Variants in RTTN observed in about 807,000 individuals in gnomAD.
RTTN encodes the protein rotatin.
A neutral mutation model predicts 269.2 loss-of-function variants in RTTN; 182 were observed. The ratio of observed to expected loss-of-function variants is 0.68; its 90% CI spans 0.60 to 0.76. The LOEUF (loss-of-function observed/expected upper bound fraction) is 0.76. RTTN is among the 30% of genes least tolerant of loss of function. The pLI is 0.00. For missense variants in RTTN, 2,545 were observed against 2,608.6 expected (o/e 0.98, Z 0.53); for synonymous variants, 1,006 against 963.5 (o/e 1.04, Z -0.82).
intron 10 of RTTN, among the ~76,000 whole-genome samples, chr18:70,177,764 G>A (rs1437912026): frequency 5.3e-5 from 8 of 151,900 alleles, no homozygotes; most frequent in Non-Finnish European, 1.2e-4. Context: ...CAACTAAAAG[G>A]TATGAGGCCC....
chr18:70,145,918 A>G (rs1329136649), intron 17 of RTTN, 135 bp from the exon 18 acceptor site: 1 of 519,622 alleles, frequency 1.9e-6, no homozygotes, highest in Admixed American at 3.8e-5. Flanking sequence ...TACTAGTAAT[A>G]ATTTACTTTT....
intron 23 of RTTN, among the ~76,000 whole-genome samples, chr18:70,133,418 T>C (rs1167535778): frequency 6.6e-6 from 1 of 152,104 alleles, no homozygotes; most frequent in Non-Finnish European, 1.5e-5. Context: ...ATTCCAACAA[T>C]GACACGTGTT....
At chr18:70,053,574 G>C (rs901610486) in intron 38 of RTTN, 2 of 152,082 alleles carry the variant, frequency 1.3e-5, no homozygotes, top group African/African-American at 4.8e-5. Flanking sequence ...ATTACCAAAT[G>C]GTCAATTACT....
intron 11 of RTTN, among the ~76,000 whole-genome samples, chr18:70,169,733 G>C (rs994581849): frequency 6.6e-6 from 1 of 152,046 alleles, no homozygotes; most frequent in Admixed American, 6.5e-5. Context: ...ATTTAAAACT[G>C]AAAGAATTAT....
At chr18:70,049,951 CCACATACAATGTACAT>C (rs1383401841) in intron 39 of RTTN, among the ~76,000 whole-genome samples, 1 of 152,114 alleles carries the variant, frequency 6.6e-6, no homozygotes, top group Non-Finnish European at 1.5e-5. Context: ...GAAGATGTAT[CCACATACAATGTACAT>C]ATGTCAGAAA....
intron 10 of RTTN, 143 bp downstream of exon 10, chr18:70,187,965 C>T: frequency 1.7e-6 from 1 of 575,776 alleles, no homozygotes; most frequent in South Asian, 2.5e-5. Context: ...CTGTTCCAGG[C>T]TATTTATAAC....
In RTTN at chr18:70,075,507, G is replaced by A. The variant is rs757834697; in HGVS notation, c.4409C>T (p.Ser1470Leu). 17 of 1,597,366 alleles carry A rather than the reference G, an allele frequency of 1.1e-5. No homozygotes were observed. Among genetic ancestry groups the A allele is most frequent in the Non-Finnish European group, 1.4e-5 (17 of 1,173,708 alleles). Reference protein sequence around the residue: ...PCVHDEDSGLSLIGKPALQAL... With the variant: ...PCVHDEDSGLLLIGKPALQAL... ...CTGAAGGGCAGGTTTTCCAATGAGCGATAGGCCAGAGTCCTCATCATGAAC... is the reference window on the plus strand; with the variant it reads ...CTGAAGGGCAGGTTTTCCAATGAGCAATAGGCCAGAGTCCTCATCATGAAC... The change falls in exon 33 of 49, where the codon TCG becomes TTG. Residue 1470 changes from serine to leucine, a missense_variant. Physicochemically the swap from Ser to Leu is moderately radical, Grantham distance 145. Transcript: ENST00000640769.
At chr18:70,041,865 A>G (rs1295388237) in intron 40 of RTTN, among the ~76,000 whole-genome samples, 1 of 152,098 alleles carries the variant, frequency 6.6e-6, no homozygotes, top group East Asian at 1.9e-4. Context: ...CACCTCCAGG[A>G]AAGAGATCAG....
chr18:70,063,555 G>A (rs1420021363), intron 35 of RTTN, among the ~76,000 whole-genome samples: 1 of 152,100 alleles, frequency 6.6e-6, no homozygotes, highest in African/African-American at 2.4e-5. Context: ...GACAGAGCTA[G>A]ACCCTGTCTC....
At chr18:70,117,126 A>G (rs992816748) in intron 26 of RTTN, among the ~76,000 whole-genome samples, 6 of 152,128 alleles carry the variant, frequency 3.9e-5, no homozygotes, top group African/African-American at 1.4e-4. Context: ...TCGGGAAGTT[A>G]GCTGATTTTT....
intron 9 of RTTN, among the ~76,000 whole-genome samples, 198 bp downstream of exon 9, chr18:70,190,340 C>T (rs1376227762): frequency 1.3e-5 from 2 of 151,594 alleles, no homozygotes; most frequent in Non-Finnish European, 2.9e-5. Context: ...GAAGGGCAAG[C>T]TGAATAGCCC....
intron 14 of RTTN, among the ~76,000 whole-genome samples, chr18:70,159,774 TCAGAGAC>T (rs966687737): frequency 1.3e-5 from 2 of 151,656 alleles, no homozygotes; most frequent in Non-Finnish European, 2.9e-5. Context: ...AGAAAGACCC[TCAGAGAC>T]CATTAAGAAA....
chr18:70,148,733 C>T (rs2060460271), intron 17 of RTTN, among the ~76,000 whole-genome samples, 168 bp downstream of exon 17: 2 of 152,218 alleles, frequency 1.3e-5, no homozygotes, highest in South Asian at 4.1e-4. Flanking sequence ...TCAGCAAGTA[C>T]ATACAAGACC....
Position 70,051,568 on chromosome 18 carries a change from A to G in RTTN, c.5186-20T>C. ...CTTTATCTATAAAATTAATCAAAAC[A>G]CTTCAAGTTATTAACACAAAGAAGG... On this transcript the variant is annotated intron_variant, in intron 38 of 48. Coordinates refer to ENST00000640769, the MANE Select transcript of RTTN (RefSeq NM_173630.4). 8 of 1,551,006 alleles carry G rather than the reference A, an allele frequency of 5.2e-6. No homozygotes were observed. Among genetic ancestry groups the G allele is most frequent in the Non-Finnish European group, 7.0e-6 (8 of 1,136,104 alleles).
At chr18:70,140,070 A>G (rs765403757) in intron 20 of RTTN, 30 bp downstream of exon 20, 6 of 1,411,692 alleles carry the variant, frequency 4.3e-6, no homozygotes, top group Middle Eastern at 1.8e-4. Context: ...ACAGCCTGTA[A>G]AACAATGTCT....
chr18:70,179,484 A>G (rs1486077149), intron 10 of RTTN, among the ~76,000 whole-genome samples: 1 of 152,046 alleles, frequency 6.6e-6, no homozygotes, highest in Non-Finnish European at 1.5e-5. Context: ...GGCTTTTTGT[A>G]TTGTTTTGTT....
intron 7 of RTTN, chr18:70,194,865 T>G (rs558564256): frequency 1.3e-5 from 2 of 152,194 alleles, no homozygotes; most frequent in African/African-American, 4.8e-5. Context: ...TAGAAACAGA[T>G]AGTGGTGATG....
intron 44 of RTTN, among the ~76,000 whole-genome samples, chr18:70,023,044 A>G (rs370129578): frequency 6.6e-5 from 10 of 152,272 alleles, no homozygotes; most frequent in African/African-American, 2.4e-4. Context: ...GTGACCCACA[A>G]GAGCTAGGAG....
chr18:70,021,440 G>A (rs1178752678), intron 44 of RTTN, among the ~76,000 whole-genome samples: 2 of 152,172 alleles, frequency 1.3e-5, no homozygotes, highest in Non-Finnish European at 2.9e-5. Flanking sequence ...CAATAAGACT[G>A]TATTATACAT....
Sources: gnomAD v4.1 joint callset for allele counts (sites outside exome capture counted in the v4.1 genomes callset) on GRCh38, gnomAD v4.1.1 for gene constraint, MANE v1.5 for transcripts, NCBI Gene and HGNC (gene_info 2026-07-23, HGNC 2026-07-21) for gene names.